COL17A1: variants seen among roughly 807,000 people sequenced by gnomAD.
COL17A1 encodes the protein collagen type XVII alpha 1 chain, also known as collagen alpha-1(XVII) chain.
A neutral mutation model predicts 218.4 loss-of-function variants in COL17A1; 181 were observed. The observed-to-expected ratio is 0.83, with a 90% CI of 0.73 to 0.94. The LOEUF (loss-of-function observed/expected upper bound fraction) is 0.94. COL17A1 is among the 40% of genes least tolerant of loss of function. The pLI, the probability that COL17A1 is intolerant of heterozygous loss-of-function variation, is 0.00. For synonymous variants in COL17A1, 721 were observed against 731.0 expected (o/e 0.99, Z 0.22); for missense variants, 1,924 against 1,945.9 (o/e 0.99, Z 0.21).
intron 45 of COL17A1, among the ~76,000 whole-genome samples, 151 bp downstream of exon 45, chr10:104,038,231 TACACACACACACACACACACACAC>T (rs59808906): frequency 0.013 from 1,831 of 142,078 alleles, 49 homozygotes; most frequent in African/African-American, 0.043. Flanking sequence ...TAGACACACA[TACACACACACACACACACACACAC>T]ACACACACAC....
chr10:104,074,084 T>C (rs2086689666), intron 6 of COL17A1, 100 bp downstream of exon 6: 7 of 1,581,970 alleles, frequency 4.4e-6, no homozygotes, highest in African/African-American at 1.3e-5. Flanking sequence ...AAGAATCCAT[T>C]TAACTCATGA....
At chr10:104,065,343 C>G (rs2086618145) in intron 9 of COL17A1, among the ~76,000 whole-genome samples, 1 of 152,072 alleles carries the variant, frequency 6.6e-6, no homozygotes, top group South Asian at 2.1e-4. Context: ...CATAGTAGAT[C>G]TAGCTTTTTC....
Position 104,052,142 on chromosome 10 carries a change from A to G in COL17A1, c.2002+13T>C. The G allele has an allele frequency of 6.2e-7, 1 of 1,614,058 alleles. No individual in the cohort carries two copies. Among genetic ancestry groups the G allele is most frequent in the Non-Finnish European group, 8.5e-7 (1 of 1,179,976 alleles). On this transcript the variant is annotated intron_variant, in intron 24 of 55. Transcript: ENST00000648076. Reference sequence around the variant, plus strand: ...CTGGAAAACTTTGATTCCTTCCTGCACACTGGACTTACCTTTGGGACCCAC... The same window carrying G: ...CTGGAAAACTTTGATTCCTTCCTGCGCACTGGACTTACCTTTGGGACCCAC...
intron 17 of COL17A1, among the ~76,000 whole-genome samples, chr10:104,056,718 G>A (rs2134620024): frequency 6.6e-6 from 1 of 152,300 alleles, no homozygotes; most frequent in East Asian, 1.9e-4. Flanking sequence ...AGGGCCTACA[G>A]GTGTAGCAAG....
intron 46 of COL17A1, 84 bp from the exon 47 acceptor site, chr10:104,037,197 C>G: frequency 7.8e-7 from 1 of 1,281,682 alleles, no homozygotes; most frequent in Non-Finnish European, 1.1e-6. Flanking sequence ...AAGGCCCGGT[C>G]ACCGAGCTGT....
At chr10:104,066,384 T>A (rs2086626350) in intron 9 of COL17A1, among the ~76,000 whole-genome samples, 1 of 152,210 alleles carries the variant, frequency 6.6e-6, no homozygotes, top group Non-Finnish European at 1.5e-5. Context: ...GATAAAGTAT[T>A]GCTGTTTTAT....
intron 13 of COL17A1, 143 bp from the exon 14 acceptor site, chr10:104,060,423 C>T: frequency 2.3e-6 from 3 of 1,277,496 alleles, no homozygotes; most frequent in Middle Eastern, 2.2e-4. Flanking sequence ...CTTGTTCTTG[C>T]TGACAGTGGT....
intron 48 of COL17A1, among the ~76,000 whole-genome samples, chr10:104,036,110 G>A (rs2134571846): frequency 1.4e-5 from 2 of 146,596 alleles, no homozygotes; most frequent in Non-Finnish European, 1.5e-5. Flanking sequence ...ATGGGAGTGT[G>A]TGTGTATGGG....
chr10:104,084,850 C>A (rs1042383787), intron 1 of COL17A1, among the ~76,000 whole-genome samples: 1 of 152,162 alleles, frequency 6.6e-6, no homozygotes, highest in African/African-American at 2.4e-5. Context: ...CAAATAAATA[C>A]CTTTTAAAAA....
chr10:104,042,569 C>G, intron 35 of COL17A1, 114 bp from the exon 36 acceptor site: 1 of 1,026,790 alleles, frequency 9.7e-7, no homozygotes, highest in Non-Finnish European at 1.5e-6. Flanking sequence ...GGCCACCTTG[C>G]TTATTTGAGA....
Position 104,080,605 on chromosome 10 carries a change from A to C in COL17A1, c.52+17T>G, listed in dbSNP as rs772903521. Reference sequence around the variant, plus strand: ...TCATAATAAAACACATAAATTAAAAAATTCTGATGCTCTTACTTCTCTCAG... The same window carrying C: ...TCATAATAAAACACATAAATTAAAACATTCTGATGCTCTTACTTCTCTCAG... On this transcript the variant is annotated intron_variant, in intron 2 of 55. Coordinates refer to ENST00000648076, the MANE Select transcript of COL17A1 (RefSeq NM_000494.4). The C allele has an allele frequency of 1.9e-6, 3 of 1,611,566 alleles. No individual in the cohort carries two copies. The highest frequency in any genetic ancestry group is 1.3e-5 in the African/African-American group (1 of 75,024).
chr10:104,036,745 G>C (rs1189461493), intron 47 of COL17A1, 113 bp from the exon 48 acceptor site: 7 of 1,339,436 alleles, frequency 5.2e-6, no homozygotes, highest in African/African-American at 4.3e-5. Flanking sequence ...TGACATTTGT[G>C]AGTTCTGGGT....
At chr10:104,071,956 G>GCACACACA in intron 8 of COL17A1, 76 bp downstream of exon 8, 2 of 1,406,992 alleles carry the variant, frequency 1.4e-6, no homozygotes, top group Non-Finnish European at 2.0e-6. Context: ...ACACACGCAT[G>GCACACACA]CACACACACA....
intron 48 of COL17A1, among the ~76,000 whole-genome samples, chr10:104,035,901 T>TGAGTACTGGA (rs2086280078): frequency 1.3e-5 from 1 of 77,244 alleles, no homozygotes; most frequent in African/African-American, 4.0e-5. Context: ...TATGGGAGCG[T>TGAGTACTGGA]GTGTATGGGA....
At chr10:104,080,824 G>T in intron 1 of COL17A1, 140 bp from the exon 2 acceptor site, 1 of 870,198 alleles carries the variant, frequency 1.1e-6, no homozygotes, top group Non-Finnish European at 1.8e-6. Context: ...TATTTTTTAT[G>T]AGTCATTCCC....
intron 6 of COL17A1, 39 bp downstream of exon 6, chr10:104,074,145 C>T (rs377558090): frequency 1.1e-4 from 170 of 1,613,744 alleles, no homozygotes; most frequent in Non-Finnish European, 4.1e-5. Context: ...CCTAGTGCCT[C>T]GTTTGACCAT....
chr10:104,056,956 T>G lies in COL17A1; in HGVS notation c.1465+19A>C. ...CTGCCTCCTACCACACAGGCTGCCC[T>G]GCTGCCTTTGCCACGTACCCAGAGC... On this transcript the variant is annotated intron_variant, in intron 17 of 55. Coordinates refer to ENST00000648076, the MANE Select transcript of COL17A1 (RefSeq NM_000494.4). 6.4e-7 allele frequency: 1 copy of G among 1,557,736 alleles called. No homozygotes were observed. Among genetic ancestry groups the G allele is most frequent in the Non-Finnish European group, 8.7e-7 (1 of 1,151,604 alleles).
Position 104,053,978 on chromosome 10 carries a change from G to T in COL17A1, c.1776C>A (p.Ile592=). The change falls in exon 22 of 56, where the codon ATC becomes ATA. Residue 592 remains isoleucine, a synonymous_variant. Coordinates refer to ENST00000648076, the MANE Select transcript of COL17A1 (RefSeq NM_000494.4). Reference sequence around the variant, plus strand: ...GACCTGGGTGGCCCAAGGGCCCAGGGATACCTGTGAACACACAAGGATATC... The same window carrying T: ...GACCTGGGTGGCCCAAGGGCCCAGGTATACCTGTGAACACACAAGGATATC... ...GDRGFPGTPG[I]PGPLGHPGPQ... The T allele has an allele frequency of 6.2e-7, 1 of 1,611,928 alleles. No homozygotes were observed. Among genetic ancestry groups the T allele is most frequent in the Non-Finnish European group, 8.5e-7 (1 of 1,177,932 alleles).
intron 17 of COL17A1, 46 bp from the exon 18 acceptor site, chr10:104,056,049 C>A (rs375326961): frequency 8.3e-5 from 134 of 1,607,802 alleles, no homozygotes; most frequent in Middle Eastern, 1.6e-4. Flanking sequence ...CCCGGTCCTT[C>A]GCCTTCCATA....
Sources: gnomAD v4.1 joint callset for allele counts (sites outside exome capture counted in the v4.1 genomes callset) on GRCh38, gnomAD v4.1.1 for gene constraint, MANE v1.5 for transcripts, NCBI Gene and HGNC (gene_info 2026-07-23, HGNC 2026-07-21) for gene names.